Variants in SPAG16 observed in about 807,000 individuals in gnomAD.
SPAG16 encodes the protein sperm-associated antigen 16 protein.
SPAG16 carries 86 observed loss-of-function variants against 80.4 expected under a neutral mutation model. That is an observed-to-expected ratio of 1.07 (90% CI 0.90 to 1.28). The LOEUF (loss-of-function observed/expected upper bound fraction) is 1.28. SPAG16 is among the 50% of genes most tolerant of loss of function. The probability of loss-of-function intolerance (pLI) is 0.00; values close to 1 mark genes in which losing one functional copy is unlikely to be tolerated. For synonymous variants in SPAG16, 294 were observed against 265.9 expected, an observed-to-expected ratio of 1.11 and a Z score of -1.03; for missense variants, 870 against 765.3, an observed-to-expected ratio of 1.14 and a Z score of -1.61.
chr2:214,120,375 A>G (rs2054158124), intron 14 of SPAG16, among the ~76,000 whole-genome samples: 1 of 151,632 alleles, frequency 6.6e-6, no homozygotes, highest in South Asian at 2.1e-4. Flanking sequence ...ATTCTTTTCA[A>G]CTTTGTCCAT....
At chr2:214,016,014 A>G (rs2047574623) in intron 13 of SPAG16, among the ~76,000 whole-genome samples, 1 of 152,022 alleles carries the variant, frequency 6.6e-6, no homozygotes, top group South Asian at 2.1e-4. Context: ...TGTGGGGAGG[A>G]GGAGGAGTTC....
intron 13 of SPAG16, among the ~76,000 whole-genome samples, chr2:214,091,503 A>G (rs2052206280): frequency 6.6e-6 from 1 of 152,122 alleles, no homozygotes; most frequent in Admixed American, 6.6e-5. Context: ...CTGCATAACA[A>G]TGTACTGAGA....
chr2:213,445,881 A>G (rs922337378), intron 9 of SPAG16, among the ~76,000 whole-genome samples: 1 of 152,192 alleles, frequency 6.6e-6, no homozygotes, highest in South Asian at 2.1e-4. Context: ...ACTATGTGAA[A>G]CAGTATAGAG....
intron 11 of SPAG16, among the ~76,000 whole-genome samples, chr2:213,920,057 G>A (rs370915578): frequency 4.2e-4 from 64 of 151,618 alleles, no homozygotes; most frequent in Non-Finnish European, 7.1e-4. Context: ...CCCTTTTTTC[G>A]TCTCTATCTG....
At chr2:213,747,717 T>A (rs1173863290) in intron 10 of SPAG16, among the ~76,000 whole-genome samples, 2 of 152,216 alleles carry the variant, frequency 1.3e-5, no homozygotes, top group Non-Finnish European at 2.9e-5. Context: ...TAGGTTTGTA[T>A]AAGTACACTC....
intron 12 of SPAG16, among the ~76,000 whole-genome samples, chr2:213,955,578 T>C (rs2044076619): frequency 6.6e-6 from 1 of 152,222 alleles, no homozygotes; most frequent in African/African-American, 2.4e-5. Flanking sequence ...ACTGTCTTAA[T>C]TACTGTAGCT....
At chr2:213,312,593 C>T (rs1001560743) in intron 4 of SPAG16, among the ~76,000 whole-genome samples, 2 of 151,406 alleles carry the variant, frequency 1.3e-5, no homozygotes, top group Admixed American at 6.6e-5. Flanking sequence ...CTTTCTTCAC[C>T]TTTTTACTTC....
At chr2:214,350,925 C>G (rs1403740103) in intron 15 of SPAG16, among the ~76,000 whole-genome samples, 6 of 151,972 alleles carry the variant, frequency 3.9e-5, no homozygotes, top group African/African-American at 1.5e-4. Flanking sequence ...AAAGTTGCCC[C>G]AAAACATCAG....
rs545280093 is a variant in SPAG16 at position 214,281,721 on chromosome 2, A to G, written c.1721-128419A>G. On this transcript the variant is annotated intron_variant, in intron 15 of 15. Coordinates refer to ENST00000331683, the MANE Select transcript of SPAG16 (RefSeq NM_024532.5). ...CTAAGAGAAACAAAAACATATGTCC[A>G]TACAAAGACTTGTACCCAAATATTC... is the stretch of plus-strand genomic sequence containing the variant. 2.6e-5 allele frequency among the ~76,000 whole-genome samples: 4 copies of G among 152,362 alleles called. No individual in the cohort carries two copies. The South Asian group carries it at 6.2e-4, about 24-fold the overall frequency.
intron 10 of SPAG16, among the ~76,000 whole-genome samples, chr2:213,550,270 A>C (rs774583992): frequency 1.5e-4 from 23 of 151,570 alleles, no homozygotes; most frequent in Admixed American, 2.6e-4. Flanking sequence ...CTACTTTTCC[A>C]CCAATTTTTA....
chr2:214,267,831 T>C (rs943196721), intron 15 of SPAG16, among the ~76,000 whole-genome samples: 2 of 151,822 alleles, frequency 1.3e-5, no homozygotes, highest in South Asian at 2.1e-4. Flanking sequence ...CTACATGGGC[T>C]TATATCAGAT....
chr2:214,293,271 A>ATGTTGG (rs1381015374), intron 15 of SPAG16, among the ~76,000 whole-genome samples: 1 of 152,122 alleles, frequency 6.6e-6, no homozygotes, highest in East Asian at 1.9e-4. Flanking sequence ...ACACCAATTC[A>ATGTTGG]TGTTGGTGTT....
chr2:214,252,986 G>A (rs1259949150), intron 15 of SPAG16, among the ~76,000 whole-genome samples: 17 of 151,682 alleles, frequency 1.1e-4, no homozygotes, highest in South Asian at 4.1e-4. Context: ...AATGATTGCC[G>A]TTCTAAGTGG....
chr2:214,261,400 A>G (rs1035392418), intron 15 of SPAG16, among the ~76,000 whole-genome samples: 9 of 152,084 alleles, frequency 5.9e-5, no homozygotes, highest in Non-Finnish European at 8.8e-5. Context: ...CGGCTAAGAA[A>G]GCTCTGCCTT....
At chr2:213,879,192 C>G in intron 11 of SPAG16, among the ~76,000 whole-genome samples, 1 of 151,530 alleles carries the variant, frequency 6.6e-6, no homozygotes, top group Non-Finnish European at 1.5e-5. Context: ...TGAAAAATGA[C>G]ATTGGTATTT....
At chr2:214,030,282 C>T (rs916643954) in intron 13 of SPAG16, among the ~76,000 whole-genome samples, 38 of 152,084 alleles carry the variant, frequency 2.5e-4, no homozygotes, top group African/African-American at 8.7e-4. Context: ...CCAGGTTCAC[C>T]CATGTTGTCC....
At chr2:214,235,879 TTCTACAAC>T (rs1689040805) in intron 15 of SPAG16, among the ~76,000 whole-genome samples, 1 of 152,200 alleles carries the variant, frequency 6.6e-6, no homozygotes, top group Admixed American at 6.6e-5. Context: ...TATCATTTCA[TTCTACAAC>T]CAGTAGTACA....
Position 214,010,902 on chromosome 2 carries a change from G to A in SPAG16, c.1401-3049G>A, listed in dbSNP as rs1161501896. ...AAGAAAGTGGGAGGAACATAAATAC[G>A]TTATTTTCCTTTTTTCACTATACTT... On this transcript the variant is annotated intron_variant, in intron 12 of 15. Coordinates refer to ENST00000331683, the MANE Select transcript of SPAG16 (RefSeq NM_024532.5). Among the ~76,000 whole-genome samples, 2 of 144,988 alleles carry A rather than the reference G, an allele frequency of 1.4e-5. 1 individual carries two copies. Among genetic ancestry groups the A allele is most frequent in the African/African-American group, 5.4e-5 (2 of 36,732 alleles).
intron 14 of SPAG16, among the ~76,000 whole-genome samples, chr2:214,132,791 A>C (rs2054845037): frequency 6.6e-6 from 1 of 152,136 alleles, no homozygotes; most frequent in Non-Finnish European, 1.5e-5. Flanking sequence ...TGAGAGTCTC[A>C]AATTTGCATT....
Sources: allele counts gnomAD v4.1 joint callset (sites outside exome capture counted in the v4.1 genomes callset), GRCh38; gene constraint gnomAD v4.1.1; transcripts MANE v1.5; gene names NCBI Gene and HGNC (gene_info 2026-07-23, HGNC 2026-07-21).